The following MRGPRX1 variants were observed in gnomAD, a reference collection of about 807,000 sequenced individuals.
The protein encoded by MRGPRX1 is mas-related G protein-coupled receptor member X1.
For missense variants in MRGPRX1, 411 were observed against 393.8 expected, an observed-to-expected ratio of 1.04 and a Z score of -0.37; for synonymous variants, 208 against 170.4, an observed-to-expected ratio of 1.22 and a Z score of -1.72.
Position 18,934,286 on chromosome 11 carries a change from C to G in MRGPRX1, c.499G>C (p.Gly167Arg), listed in dbSNP as rs1848818085. Residue 167 changes from glycine (G) to arginine (R), a missense_variant, in exon 2 of 2, where the codon GGT becomes CGT. By Grantham distance (125) the Gly-to-Arg change is moderately radical. Transcript: ENST00000526914. ...GTTTGACACCAAGCAGAATCAGCAC[C>G]ACTGAACAGGAAGCCACATAACATC... Reference protein sequence around the residue: ...EWMLCGFLFSGADSAWCQTSD... With the variant: ...EWMLCGFLFSRADSAWCQTSD... 1 of 1,610,516 alleles carries G rather than the reference C, an allele frequency of 6.2e-7. No homozygotes were observed. Among genetic ancestry groups the G allele is most frequent in the Non-Finnish European group, 8.5e-7 (1 of 1,178,142 alleles).
chr11:18,935,467 A>G (rs1409662421), intron 1 of MRGPRX1, among the ~76,000 whole-genome samples: 1 of 151,530 alleles, frequency 6.6e-6, no homozygotes, highest in Non-Finnish European at 1.5e-5. Context: ...ATGAAAGCAC[A>G]ATGTAAGTTA....
chr11:18,937,264 G>A (rs4237738), intron 1 of MRGPRX1, among the ~76,000 whole-genome samples: 144,327 of 151,038 alleles, frequency 0.96, 69,242 homozygotes, highest in East Asian at 1. Context: ...TAGGATCACA[G>A]GTATGAGGGC....
At chr11:18,937,891 C>G (rs546068578) in intron 1 of MRGPRX1, among the ~76,000 whole-genome samples, 1 of 151,468 alleles carries the variant, frequency 6.6e-6, no homozygotes, top group Non-Finnish European at 1.5e-5. Flanking sequence ...AAAGACATGC[C>G]GAACATTAAA....
rs766094751 is a variant in MRGPRX1 at position 18,934,569 on chromosome 11, G to C, written c.216C>G (p.Asp72Glu). 103 of 1,609,620 alleles carry C rather than the reference G, an allele frequency of 6.4e-5. 4 individuals are homozygous for C. The South Asian group carries it at 1.0e-3, about 16-fold the overall frequency. The change falls in exon 2 of 2, where the codon GAC becomes GAG. Residue 72 changes from aspartate (D) to glutamate (E), a missense_variant. Coordinates refer to ENST00000526914, the MANE Select transcript of MRGPRX1 (RefSeq NM_001393578.1). ...SIYILNLAAA[D>E]FLFLSGRLIY... is the part of the protein sequence containing the mutation. ...TAAGGCGGCCGCTGAGGAAGAGGAA[G>C]TCTGCTGCGGCCAAGTTGAGGATGT... is the stretch of plus-strand genomic sequence containing the variant.
At chr11:18,937,719 C>A (rs750182021) in intron 1 of MRGPRX1, among the ~76,000 whole-genome samples, 47 of 151,618 alleles carry the variant, frequency 3.1e-4, no homozygotes, top group Non-Finnish European at 5.5e-4. Context: ...CCAGAGGCAC[C>A]ACTGTACTTT....
At chr11:18,935,974 G>A (rs1848837633) in intron 1 of MRGPRX1, among the ~76,000 whole-genome samples, 1 of 151,470 alleles carries the variant, frequency 6.6e-6, no homozygotes, top group Non-Finnish European at 1.5e-5. Context: ...GGAGAATGAG[G>A]ACTGGGTCTA....
chr11:18,935,277 G>A lies in MRGPRX1; in HGVS notation c.-25-468C>T, dbSNP rs1848832098. ...AAGTGTGAAAATGGCTGGGCCTGGT[G>A]GGTGAGAAATAACTCAGCATGTCAG... On this transcript the variant is annotated intron_variant, in intron 1 of 1. Transcript: ENST00000526914. 3 of 156,342 alleles carry A rather than the reference G, an allele frequency of 1.9e-5. No individual in the cohort carries two copies. In the South Asian group the frequency reaches 6.0e-4, roughly 31 times the overall value. The allele number at this position is 156,342 out of a possible 1,614,324, so 9.7% of individuals were successfully genotyped here.
At chr11:18,936,747 A>G (rs1426136579) in intron 1 of MRGPRX1, among the ~76,000 whole-genome samples, 1 of 151,506 alleles carries the variant, frequency 6.6e-6, no homozygotes, top group Non-Finnish European at 1.5e-5. Context: ...TGGTATCACC[A>G]ACATTTAGCA....
intron 1 of MRGPRX1, among the ~76,000 whole-genome samples, chr11:18,935,650 C>A (rs1842914): frequency 0.34 from 51,169 of 148,766 alleles, 7,917 homozygotes; most frequent in South Asian, 0.41. Context: ...CCCCTAGAAG[C>A]ATTTTGTACA....
intron 1 of MRGPRX1, 110 bp downstream of exon 1, chr11:18,939,170 T>C (rs1185969301): frequency 6.6e-6 from 1 of 151,650 alleles, no homozygotes; most frequent in Non-Finnish European, 1.5e-5. Context: ...CCCTGTCTTT[T>C]CCTGAAACAA....
In MRGPRX1 at chr11:18,934,539, A is replaced by G. The variant is rs1300068810; in HGVS notation, c.246T>C (p.Tyr82=). The change falls in exon 2 of 2, where the codon TAT becomes TAC. Residue 82 remains tyrosine, a synonymous_variant. Transcript: ENST00000526914. ...GGATACTGATGAAGCTTAACAGGGA[A>G]TATATAAGGCGGCCGCTGAGGAAGA... ...DFLFLSGRLI[Y]SLLSFISIPH... 1 of 1,610,292 alleles carries G rather than the reference A, an allele frequency of 6.2e-7. No individual in the cohort carries two copies. Among genetic ancestry groups the G allele is most frequent in the Admixed American group, 1.7e-5 (1 of 59,296 alleles).
chr11:18,934,976 G>C, intron 1 of MRGPRX1, 167 bp from the exon 2 acceptor site: 1 of 749,584 alleles, frequency 1.3e-6, no homozygotes, highest in Non-Finnish European at 2.1e-6. Flanking sequence ...TTGAAATCCA[G>C]TTCTTGCTGA....
Position 18,934,124 on chromosome 11 carries a change from T to TGAAC in MRGPRX1, c.660_661insGTTC (p.Thr221ValfsTer45), listed in dbSNP as rs1323192887. 1.2e-6 allele frequency: 2 copies of TGAAC among 1,610,612 alleles called. No individual in the cohort carries two copies. Among genetic ancestry groups the TGAAC allele is most frequent in the Non-Finnish European group, 1.7e-6 (2 of 1,178,172 alleles). On this transcript the variant is annotated frameshift_variant, in exon 2 of 2. Coordinates refer to ENST00000526914, the MANE Select transcript of MRGPRX1 (RefSeq NM_001393578.1). LOFTEE classifies it low-confidence loss of function (END_TRUNC). ...CCACAGAGGAGGAAGACCAGTACTG[T>TGAAC]GAGCAGGATGGTCACGTACAGCCTG...
chr11:18,934,224 T>C lies in MRGPRX1; in HGVS notation c.561A>G (p.Leu187=). 1.2e-6 allele frequency: 2 copies of C among 1,610,044 alleles called. No individual in the cohort carries two copies. Among genetic ancestry groups the C allele is most frequent in the Non-Finnish European group, 1.7e-6 (2 of 1,177,996 alleles). Residue 187 remains leucine (L), a synonymous_variant, in exon 2 of 2, where the codon TTA becomes TTG. Coordinates refer to ENST00000526914, the MANE Select transcript of MRGPRX1 (RefSeq NM_001393578.1). ...GGCTGGACCCACAGAGAACCACACA[T>C]AAAAAAATCAGCCACGCGACTGTGA... ...DFITVAWLIF[L]CVVLCGSSLV...
At position 18,933,824 on chromosome 11, in the gene MRGPRX1, C is replaced by A. The variant is rs770230301; in HGVS notation, c.961G>T (p.Glu321Ter). The A allele has an allele frequency of 6.2e-7, 1 of 1,607,280 alleles. No homozygotes were observed. Among genetic ancestry groups the A allele is most frequent in the South Asian group, 1.1e-5 (1 of 90,202 alleles). Residue 321 changes from glutamate to a stop codon, truncating the protein, a stop_gained, in exon 2 of 2, where the codon GAG (glutamate) becomes TAG (stop). Transcript: ENST00000526914. LOFTEE classifies it high-confidence loss of function. Reference sequence around the variant, plus strand: ...AGGGCAGAGGCTCTTCCTCACTGCTCCAATCTGCTTCCCGACAGCTCCAGG... The same window carrying A: ...AGGGCAGAGGCTCTTCCTCACTGCTACAATCTGCTTCCCGACAGCTCCAGG... ...EILELSGSRLEQ is the reference protein window; with the variant it reads ...EILELSGSRL
chr11:18,934,462 G>A lies in MRGPRX1; in HGVS notation c.323C>T (p.Ala108Val), dbSNP rs1287639117. The change falls in exon 2 of 2, where the codon GCA (alanine) becomes GTA (valine). Residue 108 changes from alanine (A) to valine (V), a missense_variant. Ala to Val is a moderately conservative substitution (Grantham distance 64). Coordinates refer to ENST00000526914, the MANE Select transcript of MRGPRX1 (RefSeq NM_001393578.1). ...LYPVMMFSYF[A>V]GLSFLSAVST... ...CACGGCACTCAGAAAGCTCAGGCCTGCAAAGTAGGAAAACATCATCACAGG... is the reference window on the plus strand; with the variant it reads ...CACGGCACTCAGAAAGCTCAGGCCTACAAAGTAGGAAAACATCATCACAGG... The A allele has an allele frequency of 5.0e-6, 8 of 1,610,564 alleles. No homozygotes were observed. Among genetic ancestry groups the A allele is most frequent in the Non-Finnish European group, 6.8e-6 (8 of 1,178,114 alleles).
At position 18,934,084 on chromosome 11, in the gene MRGPRX1, A is replaced by G; in HGVS notation, c.701T>C (p.Ile234Thr). Residue 234 changes from isoleucine to threonine, a missense_variant, in exon 2 of 2, where the codon ATT becomes ACT. Transcript: ENST00000526914. The part of the protein sequence containing the change: ...VFLLCGLPFG[I>T]QFFLFLWIHV... The stretch of plus-strand genomic sequence containing the variant: ...GATCCATAAAAATAGGAAAAACTGA[A>G]TGCCAAAGGGCAGGCCACAGAGGAG... The G allele has an allele frequency of 6.2e-7, 1 of 1,610,944 alleles. No individual in the cohort carries two copies.
Position 18,934,800 on chromosome 11 carries a change from T to G in MRGPRX1, c.-16A>C. On this transcript the variant is annotated 5_prime_UTR_variant, in exon 2 of 2. Coordinates refer to ENST00000526914, the MANE Select transcript of MRGPRX1 (RefSeq NM_001393578.1). Reference sequence around the variant, plus strand: ...TTGGATCCATGCTCAGAAACCCTAGTCTGGTGACCCTGGAAACAGAAACCA... The same window carrying G: ...TTGGATCCATGCTCAGAAACCCTAGGCTGGTGACCCTGGAAACAGAAACCA... 1.3e-6 allele frequency: 2 copies of G among 1,543,932 alleles called. No homozygotes were observed. The highest frequency in any genetic ancestry group is 1.7e-6 in the Non-Finnish European group (2 of 1,145,078).
chr11:18,935,470 G>A (rs1480144205), intron 1 of MRGPRX1, among the ~76,000 whole-genome samples: 1 of 151,506 alleles, frequency 6.6e-6, no homozygotes, highest in Non-Finnish European at 1.5e-5. Context: ...AAAGCACAAT[G>A]TAAGTTATTA....
Sources: allele counts gnomAD v4.1 joint callset (sites outside exome capture counted in the v4.1 genomes callset), GRCh38; gene constraint gnomAD v4.1.1; transcripts MANE v1.5; gene names NCBI Gene and HGNC (gene_info 2026-07-23, HGNC 2026-07-21).